The following RNLS variants were observed in gnomAD, a reference collection of about 807,000 sequenced individuals.
RNLS encodes the protein renalase, FAD dependent amine oxidase.
A neutral mutation model predicts 39.8 loss-of-function variants in RNLS; 39 were observed. That is an observed-to-expected ratio of 0.98 (90% CI 0.76 to 1.28). RNLS has a LOEUF of 1.28. RNLS is among the 50% of genes most tolerant of loss of function. RNLS has a pLI of 0.00. For missense variants in RNLS, 410 were observed against 413.3 expected, an observed-to-expected ratio of 0.99 and a Z score of 0.07; for synonymous variants, 147 against 150.7, an observed-to-expected ratio of 0.98 and a Z score of 0.18.
At chr10:88,571,738 TAGCTTTC>T (rs1380050639) in intron 4 of RNLS, among the ~76,000 whole-genome samples, 1 of 152,228 alleles carries the variant, frequency 6.6e-6, no homozygotes, top group Admixed American at 6.5e-5. Context: ...ACAGGAATTT[TAGCTTTC>T]AGACTCCTCA....
chr10:88,355,940 G>T (rs1474097744), intron 5 of RNLS, among the ~76,000 whole-genome samples: 2 of 152,188 alleles, frequency 1.3e-5, no homozygotes, highest in Non-Finnish European at 2.9e-5. Context: ...CCTCGCTGCT[G>T]CCTTGCAGTT....
At chr10:88,435,749 C>A (rs1325353215) in intron 4 of RNLS, among the ~76,000 whole-genome samples, 2 of 152,010 alleles carry the variant, frequency 1.3e-5, no homozygotes, top group Non-Finnish European at 2.9e-5. Context: ...CATAGTTCTG[C>A]TGAGAGGATT....
chr10:88,351,161 T>G (rs928706692), intron 5 of RNLS, among the ~76,000 whole-genome samples: 1 of 152,198 alleles, frequency 6.6e-6, no homozygotes. Flanking sequence ...TGCAAAAATT[T>G]TTTCCCATTC....
At chr10:88,479,776 C>T (rs1451281863) in intron 4 of RNLS, among the ~76,000 whole-genome samples, 4 of 145,450 alleles carry the variant, frequency 2.8e-5, no homozygotes, top group African/African-American at 9.9e-5. Context: ...CTTCTCTGGA[C>T]TTTCTTTTCT....
intron 5 of RNLS, among the ~76,000 whole-genome samples, chr10:88,353,049 C>T (rs746766790): frequency 6.6e-6 from 1 of 151,982 alleles, no homozygotes; most frequent in Non-Finnish European, 1.5e-5. Context: ...TGGGGATATC[C>T]CCTTTATCAT....
intron 6 of RNLS, among the ~76,000 whole-genome samples, chr10:88,293,871 G>A (rs1843869503): frequency 6.6e-6 from 1 of 152,136 alleles, no homozygotes; most frequent in Admixed American, 6.5e-5. Context: ...ACCTGAGTGT[G>A]GGTGTGGTGA....
chr10:88,266,235 T>C, the RNLS span, among the ~76,000 whole-genome samples: 1 of 152,136 alleles, frequency 6.6e-6, no homozygotes, highest in Non-Finnish European at 1.5e-5. Flanking sequence ...AATGATTCAC[T>C]TCTCCACAGG....
At chr10:88,175,054 T>A in the RNLS span, among the ~76,000 whole-genome samples, 1 of 152,194 alleles carries the variant, frequency 6.6e-6, no homozygotes, top group African/African-American at 2.4e-5. Flanking sequence ...ATATAGTTAT[T>A]CAAGTAGCCT....
chr10:88,283,419 C>A (rs904029482), downstream of RNLS, among the ~76,000 whole-genome samples: 1 of 152,070 alleles, frequency 6.6e-6, no homozygotes, highest in Non-Finnish European at 1.5e-5. Flanking sequence ...AAATTCCCTC[C>A]CCCTCCTTTG....
At chr10:88,350,598 A>T (rs1171132657) in intron 5 of RNLS, among the ~76,000 whole-genome samples, 3 of 152,162 alleles carry the variant, frequency 2.0e-5, no homozygotes, top group Non-Finnish European at 4.4e-5. Context: ...TCCATGGTGT[A>T]TATGTGCCAC....
At chr10:88,488,637 A>T (rs977004624) in intron 4 of RNLS, among the ~76,000 whole-genome samples, 1 of 152,008 alleles carries the variant, frequency 6.6e-6, no homozygotes, top group Non-Finnish European at 1.5e-5. Context: ...GAGAAAATAC[A>T]CATAATACTA....
At chr10:88,317,732 G>A (rs1845867657) in intron 5 of RNLS, among the ~76,000 whole-genome samples, 1 of 152,146 alleles carries the variant, frequency 6.6e-6, no homozygotes, top group African/African-American at 2.4e-5. Context: ...AAAGATCAAA[G>A]TTATCTGTGA....
At chr10:88,453,567 C>T (rs1284556325) in intron 4 of RNLS, among the ~76,000 whole-genome samples, 2 of 152,210 alleles carry the variant, frequency 1.3e-5, no homozygotes. Context: ...TTCCTGCATG[C>T]AAATCTTGTC....
At chr10:88,374,452 C>A (rs1051848572) in intron 4 of RNLS, among the ~76,000 whole-genome samples, 2 of 152,106 alleles carry the variant, frequency 1.3e-5, no homozygotes, top group East Asian at 3.8e-4. Flanking sequence ...ATGACATATT[C>A]AAGACTCATG....
intron 5 of RNLS, among the ~76,000 whole-genome samples, chr10:88,328,843 C>T (rs2133145971): frequency 6.6e-6 from 1 of 152,192 alleles, no homozygotes; most frequent in Admixed American, 6.5e-5. Context: ...TCCCTCTAGG[C>T]TCATTTTCCT....
At chr10:88,417,709 T>C (rs960904121) in intron 4 of RNLS, among the ~76,000 whole-genome samples, 1 of 152,210 alleles carries the variant, frequency 6.6e-6, no homozygotes, top group African/African-American at 2.4e-5. Flanking sequence ...TAGCCATAAC[T>C]TCCACATCTA....
At chr10:88,424,155 G>A (rs753741837) in intron 4 of RNLS, among the ~76,000 whole-genome samples, 2 of 152,186 alleles carry the variant, frequency 1.3e-5, no homozygotes, top group Non-Finnish European at 2.9e-5. Context: ...CGGAACTGAA[G>A]GTCCATGAAT....
intron 4 of RNLS, among the ~76,000 whole-genome samples, chr10:88,496,408 A>G (rs1845178815): frequency 6.6e-6 from 1 of 152,186 alleles, no homozygotes; most frequent in African/African-American, 2.4e-5. Flanking sequence ...GCCATAGCAG[A>G]AGGAAGAAGC....
intron 4 of RNLS, among the ~76,000 whole-genome samples, chr10:88,374,564 T>C (rs912664944): frequency 5.3e-5 from 8 of 152,106 alleles, no homozygotes; most frequent in Admixed American, 3.9e-4. Context: ...TGCAGGGAAA[T>C]GTGTACATCT....
Sources: allele counts gnomAD v4.1 joint callset (sites outside exome capture counted in the v4.1 genomes callset), GRCh38; gene constraint gnomAD v4.1.1; transcripts MANE v1.5; gene names NCBI Gene and HGNC (gene_info 2026-07-23, HGNC 2026-07-21).